Variants in PRIM2 observed in about 807,000 individuals in gnomAD.
PRIM2 encodes the protein DNA primase large subunit.
A neutral mutation model predicts 67.3 loss-of-function variants in PRIM2; 39 were observed. The ratio of observed to expected loss-of-function variants is 0.58; its 90% CI spans 0.45 to 0.76. The LOEUF (loss-of-function observed/expected upper bound fraction) is 0.76, where lower values mean the gene tolerates loss of function less well. PRIM2 is among the 30% of genes least tolerant of loss of function. PRIM2 has a pLI of 0.00. For synonymous variants in PRIM2, 143 were observed against 198.7 expected (o/e 0.72, Z 2.36); for missense variants, 398 against 598.7 (o/e 0.66, Z 3.50).
At chr6:57,255,270 G>A in the PRIM2 span, among the ~76,000 whole-genome samples, 59,760 of 151,902 alleles carry the variant, frequency 0.39, 13,179 homozygotes, top group South Asian at 0.52. Flanking sequence ...AGGCCGAGGC[G>A]GGCGGATCAC....
At chr6:57,404,807 A>G (rs1202665500) in intron 7 of PRIM2, among the ~76,000 whole-genome samples, 45 of 140,658 alleles carry the variant, frequency 3.2e-4, no homozygotes, top group Non-Finnish European at 1.4e-4. Context: ...TCTCCAGAGT[A>G]ATCCTTGGGT....
intron 8 of PRIM2, among the ~76,000 whole-genome samples, chr6:57,528,002 C>T (rs1488565228): frequency 1.3e-5 from 2 of 152,066 alleles, no homozygotes; most frequent in Non-Finnish European, 2.9e-5. Context: ...CTCAATCCCT[C>T]ATCCAGGCTG....
intron 7 of PRIM2, among the ~76,000 whole-genome samples, chr6:57,463,334 A>C (rs1461269136): frequency 6.6e-6 from 1 of 152,166 alleles, no homozygotes; most frequent in African/African-American, 2.4e-5. Flanking sequence ...CTCTACAAAA[A>C]ATAAAAAATT....
chr6:57,249,274 TTTATTATG>T, the PRIM2 span, among the ~76,000 whole-genome samples: 1 of 152,356 alleles, frequency 6.6e-6, no homozygotes, highest in East Asian at 1.9e-4. Flanking sequence ...GCAATTTTTC[TTTATTATG>T]CATATTAGGT....
chr6:57,636,004 C>CT (rs1203169838), intron 13 of PRIM2, among the ~76,000 whole-genome samples: 1 of 152,206 alleles, frequency 6.6e-6, no homozygotes, highest in African/African-American at 2.4e-5. Flanking sequence ...CCACCTTCCT[C>CT]TAGACTCCTA....
At chr6:57,475,723 C>A (rs2127403646) in intron 7 of PRIM2, among the ~76,000 whole-genome samples, 1 of 152,316 alleles carries the variant, frequency 6.6e-6, no homozygotes, top group East Asian at 1.9e-4. Context: ...AGTTGCATAG[C>A]TAGACTATGG....
At chr6:57,639,620 A>ACACCTCTACACACATAAG (rs1554359324) in intron 13 of PRIM2, among the ~76,000 whole-genome samples, 1 of 78,658 alleles carries the variant, frequency 1.3e-5, no homozygotes, top group Non-Finnish European at 2.5e-5. Context: ...AATACTGTAA[A>ACACCTCTACACACATAAG]CTAGAAAGTT....
chr6:57,560,725 G>C (rs2127478044), intron 10 of PRIM2, among the ~76,000 whole-genome samples: 1 of 151,924 alleles, frequency 6.6e-6, no homozygotes, highest in East Asian at 1.9e-4. Flanking sequence ...TAGGTGCATT[G>C]TCATGAAGCA....
chr6:57,382,149 A>G lies in PRIM2; in HGVS notation c.674A>G (p.Lys225Arg), dbSNP rs1302099339. Residue 225 changes from lysine to arginine, a missense_variant, in exon 7 of 14, where the codon AAA (lysine) becomes AGA (arginine). By Grantham distance (26) the Lys-to-Arg change is conservative. Coordinates refer to ENST00000615550, the MANE Select transcript of PRIM2 (RefSeq NM_000947.5). ...ATCATCCTGAATGAATTTAGAGCCA[A>G]ACTGTCCAAGGCTTTGGCAGTGAGT... is the stretch of plus-strand genomic sequence containing the variant. Reference protein sequence around the residue: ...VAIILNEFRAKLSKALALTAR... With the variant: ...VAIILNEFRARLSKALALTAR... 1 of 1,613,106 alleles carries G rather than the reference A, an allele frequency of 6.2e-7. No individual in the cohort carries two copies. Among genetic ancestry groups the G allele is most frequent in the Non-Finnish European group, 8.5e-7 (1 of 1,179,456 alleles).
intron 7 of PRIM2, among the ~76,000 whole-genome samples, chr6:57,446,568 C>G (rs1328199764): frequency 7.2e-5 from 11 of 152,022 alleles, no homozygotes; most frequent in African/African-American, 2.7e-4. Context: ...CACCCGCCAC[C>G]ATGCCTGGGG....
At chr6:57,470,089 G>T (rs1355672574) in intron 7 of PRIM2, among the ~76,000 whole-genome samples, 7 of 152,278 alleles carry the variant, frequency 4.6e-5, no homozygotes, top group African/African-American at 9.6e-5. Context: ...ATAGATTATC[G>T]TTGGACAAAT....
intron 5 of PRIM2, among the ~76,000 whole-genome samples, chr6:57,335,118 C>T (rs572710771): frequency 9.2e-5 from 14 of 152,242 alleles, no homozygotes; most frequent in South Asian, 8.3e-4. Flanking sequence ...CCTGGAAAAT[C>T]GGGTCACTCC....
intron 7 of PRIM2, among the ~76,000 whole-genome samples, chr6:57,469,439 A>T (rs1228191540): frequency 6.6e-6 from 1 of 152,244 alleles, no homozygotes; most frequent in Non-Finnish European, 1.5e-5. Context: ...AATCTCGGAA[A>T]ATTGAACCCT....
At position 57,586,959 on chromosome 6, in the gene PRIM2, C is replaced by T. The variant is rs1341165697; in HGVS notation, c.1021-14134C>T. Reference sequence around the variant, plus strand: ...ATTAGGTATCCACATCCTACAATAGCCCACAAGATCCAAAAACCTCTGTTA... The same window carrying T: ...ATTAGGTATCCACATCCTACAATAGTCCACAAGATCCAAAAACCTCTGTTA... On this transcript the variant is annotated intron_variant, in intron 10 of 13. Transcript: ENST00000615550. 3.3e-5 allele frequency: 5 copies of T among 152,140 alleles called. No homozygotes were observed. In the East Asian group the frequency reaches 9.6e-4, roughly 29 times the overall value. 9.4% of individuals were successfully genotyped at this position (152,140 alleles called of 1,614,324 possible). A position where few individuals can be genotyped will look rare whatever the true frequency, so the allele number is the denominator to read the frequency against.
chr6:57,318,970 CAAA>C (rs1767564222), intron 2 of PRIM2, among the ~76,000 whole-genome samples: 1 of 152,158 alleles, frequency 6.6e-6, no homozygotes, highest in African/African-American at 2.4e-5. Flanking sequence ...GCTGTTGAAA[CAAA>C]GAAGTGGGAG....
intron 5 of PRIM2, among the ~76,000 whole-genome samples, chr6:57,331,031 C>G (rs1212025129): frequency 3.3e-5 from 5 of 151,632 alleles, no homozygotes; most frequent in African/African-American, 9.7e-5. Flanking sequence ...AAAAAAAATA[C>G]CAAAAAATTA....
chr6:57,627,279 CAAAAA>C (rs1158722297), intron 12 of PRIM2, among the ~76,000 whole-genome samples: 26 of 24,528 alleles, frequency 1.1e-3, no homozygotes, highest in African/African-American at 3.0e-3. Context: ...GACTCTGTCT[CAAAAA>C]AAAAAAAAAA....
intron 10 of PRIM2, among the ~76,000 whole-genome samples, chr6:57,556,609 T>C (rs1775518171): frequency 2.0e-5 from 3 of 152,158 alleles, no homozygotes; most frequent in Admixed American, 6.6e-5. Context: ...CTGGACCCTT[T>C]CCTTACACCA....
At chr6:57,536,561 C>T (rs1775007095) in intron 9 of PRIM2, among the ~76,000 whole-genome samples, 1 of 152,168 alleles carries the variant, frequency 6.6e-6, no homozygotes, top group Non-Finnish European at 1.5e-5. Context: ...ATAATACCTT[C>T]ATTTGAAATA....
Sources: gnomAD v4.1 joint callset for allele counts (sites outside exome capture counted in the v4.1 genomes callset) on GRCh38, gnomAD v4.1.1 for gene constraint, MANE v1.5 for transcripts, NCBI Gene and HGNC (gene_info 2026-07-23, HGNC 2026-07-21) for gene names.